JPH4: variants seen among roughly 807,000 people sequenced by gnomAD.
The protein encoded by JPH4 is junctophilin 4, also known as junctophilin-4.
Under a neutral mutation model 57.6 loss-of-function variants are expected in JPH4, and 18 were observed. The ratio of observed to expected loss-of-function variants is 0.31; its 90% CI spans 0.22 to 0.46. JPH4 has a LOEUF of 0.46. JPH4 is among the 20% of genes least tolerant of loss of function. The pLI, the probability that JPH4 is intolerant of heterozygous loss-of-function variation, is 1.00. For missense variants in JPH4, 727 were observed against 911.1 expected (o/e 0.80, Z 2.60); for synonymous variants, 425 against 406.6 (o/e 1.05, Z -0.54).
At position 23,569,735 on chromosome 14, in the gene JPH4, G is replaced by C. The variant is rs989046613; in HGVS notation, c.1804-18C>G. On this transcript the variant is annotated intron_variant, in intron 5 of 5. Transcript: ENST00000356300. The surrounding 1 kb of genome is among the most constrained non-coding windows in gnomAD (Gnocchi z 4.8). ...GCAGCTCCCTAGAGAGACAGAGGGG[G>C]AAGCAGACTCAGTCCCCGAGGACAG... 5 of 1,526,722 alleles carry C rather than the reference G, an allele frequency of 3.3e-6. No individual in the cohort carries two copies. Among genetic ancestry groups the C allele is most frequent in the Non-Finnish European group, 3.5e-6 (4 of 1,127,274 alleles). The allele number at this position is 1,526,722 out of a possible 1,614,324, so 94.6% of individuals were successfully genotyped here.
At position 23,573,282 on chromosome 14, in the gene JPH4, G is replaced by A. The variant is rs142177145; in HGVS notation, c.1152-1362C>T. Among the ~76,000 whole-genome samples, 687 of 152,310 alleles carry A rather than the reference G, an allele frequency of 4.5e-3. 3 individuals carry two copies. The highest frequency in any genetic ancestry group is 0.027 in the Middle Eastern group (8 of 294). ...CCTATTTGGAGGGATCTCAGATAAC[G>A]TGGCTCTTCTGTCTTAGGACTCTCA... is the stretch of plus-strand genomic sequence containing the variant. On this transcript the variant is annotated intron_variant, in intron 3 of 5. Transcript: ENST00000356300.
Position 23,575,601 on chromosome 14 carries a change from C to T in JPH4, c.1151+84G>A. The T allele has an allele frequency of 6.6e-7, 1 of 1,520,558 alleles. No individual in the cohort carries two copies. Among genetic ancestry groups the T allele is most frequent in the Non-Finnish European group, 8.8e-7 (1 of 1,130,642 alleles). The allele number at this position is 1,520,558 out of a possible 1,614,324, so 94.2% of individuals were successfully genotyped here. On this transcript the variant is annotated intron_variant, in intron 3 of 5. Coordinates refer to ENST00000356300, the MANE Select transcript of JPH4 (RefSeq NM_001146028.2). This position sits in a 1 kb window ranked among gnomAD's most constrained non-coding sequence, Gnocchi z 6.9. ...CAGGCCCTAGGCCTTGGGCCTTGGG[C>T]CTCCCTTAGGCACACCCGCCTTCCT...
rs1019140543 is a variant in JPH4 at position 23,576,742 on chromosome 14, C to A, written c.380-286G>T. On this transcript the variant is annotated intron_variant, in intron 2 of 5. Coordinates refer to ENST00000356300, the MANE Select transcript of JPH4 (RefSeq NM_001146028.2). The surrounding 1 kb of genome is among the most constrained non-coding windows in gnomAD (Gnocchi z 8.0). ...GCCCGGCAGGCATGCGAAGGACAGGCTGGTCAGGGCGTTTAGATAGGCAAA... is the reference window on the plus strand; with the variant it reads ...GCCCGGCAGGCATGCGAAGGACAGGATGGTCAGGGCGTTTAGATAGGCAAA... Among the ~76,000 whole-genome samples the A allele has an allele frequency of 2.0e-5, 3 of 152,098 alleles. No homozygotes were observed. The highest frequency in any genetic ancestry group is 4.8e-5 in the African/African-American group (2 of 41,424).
At chr14:23,574,264 T>C (rs1269260218) in intron 3 of JPH4, among the ~76,000 whole-genome samples, 10 of 151,744 alleles carry the variant, frequency 6.6e-5, no homozygotes, top group Non-Finnish European at 1.5e-4. Context: ...AACCTCTGTC[T>C]CCCGGGTTCA....
rs367723718 is a variant in JPH4, at chr14:23,571,157, G to A, written c.1574C>T (p.Pro525Leu). Residue 525 changes from proline (P) to leucine (L), a missense_variant, in exon 5 of 6, where the codon CCC becomes CTC. Physicochemically the swap from Pro to Leu is moderately conservative, Grantham distance 98. This residue lies in a region of JPH4 where 293 missense variants were observed against 279.8 expected (regional missense o/e 1.05). Transcript: ENST00000356300. This position sits in a 1 kb window ranked among gnomAD's most constrained non-coding sequence, Gnocchi z 4.6. ...EDEAGMQGPG[P>L]RDGSPLLGGC... is the part of the protein sequence containing the mutation. ...TCCGAGGAGTGGGGAACCGTCTCTG[G>A]GCCCTGGCCCTTGCATCCCAGCCTC... The A allele has an allele frequency of 6.2e-7, 1 of 1,614,104 alleles. No individual in the cohort carries two copies. The highest frequency in any genetic ancestry group is 2.2e-5 in the East Asian group (1 of 44,884).
In JPH4 at chr14:23,571,835, C is replaced by T; in HGVS notation, c.1237G>A (p.Ala413Thr). ...TCTAGCATGGGCTGCAGGTCCTGGG[C>T]TATCAGTTTGGCCATTCGAGCTGCC... Reference protein sequence around the residue: ...VEAARMAKLIAQDLQPMLEAP... With the variant: ...VEAARMAKLITQDLQPMLEAP... Residue 413 changes from alanine (A) to threonine (T), a missense_variant, in exon 4 of 6, where the codon GCC becomes ACC. Coordinates refer to ENST00000356300, the MANE Select transcript of JPH4 (RefSeq NM_001146028.2). This position sits in a 1 kb window ranked among gnomAD's most constrained non-coding sequence, Gnocchi z 4.6. 6.2e-7 allele frequency: 1 copy of T among 1,613,068 alleles called. No homozygotes were observed. The highest frequency in any genetic ancestry group is 8.5e-7 in the Non-Finnish European group (1 of 1,179,918).
Position 23,568,211 on chromosome 14 carries a change from T to C in JPH4, c.*1423A>G. The stretch of plus-strand genomic sequence containing the variant: ...GGAAGGAGGGAGGCAAGCCAAGGAA[T>C]AAACAAGAGTTTGACTAGAAAAAAA... On this transcript the variant is annotated 3_prime_UTR_variant, in exon 6 of 6. Transcript: ENST00000356300. 2 of 985,820 alleles carry C rather than the reference T, an allele frequency of 2.0e-6. No homozygotes were observed. Among genetic ancestry groups the C allele is most frequent in the Non-Finnish European group, 2.4e-6 (2 of 829,916 alleles). The allele number at this position is 985,820 out of a possible 1,614,324, so 61.1% of individuals were successfully genotyped here. A position where few individuals can be genotyped will look rare whatever the true frequency, so the allele number is the denominator to read the frequency against.
Position 23,574,430 on chromosome 14 carries a change from C to T in JPH4, c.1151+1255G>A, listed in dbSNP as rs575438569. On this transcript the variant is annotated intron_variant, in intron 3 of 5. Transcript: ENST00000356300. The stretch of plus-strand genomic sequence containing the variant: ...CAGGTGATCCACCCACCTCGGCCTC[C>T]CAAAGTGCTGGGATTACAGGCATGA... Among the ~76,000 whole-genome samples the T allele has an allele frequency of 3.3e-5, 5 of 152,272 alleles. 1 individual carries two copies. The highest frequency in any genetic ancestry group is 1.2e-4 in the African/African-American group (5 of 41,548).
rs138692749 is a variant in JPH4 at position 23,571,235 on chromosome 14, C to G, written c.1496G>C (p.Trp499Ser). The G allele has an allele frequency of 3.7e-5, 59 of 1,611,388 alleles. No individual in the cohort carries two copies. The highest frequency in any genetic ancestry group is 1.8e-4 in the Admixed American group (11 of 59,840). Residue 499 changes from tryptophan (W) to serine (S), a missense_variant, in exon 5 of 6, where the codon TGG (tryptophan) becomes TCG (serine). Transcript: ENST00000356300. The surrounding 1 kb of genome is among the most constrained non-coding windows in gnomAD (Gnocchi z 4.6). Reference sequence around the variant, plus strand: ...CTCTGCCTGTGCGCCTGCCCCCCCCCACTCCTCAGGCCAAGCTTTGGGGCT... The same window carrying G: ...CTCTGCCTGTGCGCCTGCCCCCCCCGACTCCTCAGGCCAAGCTTTGGGGCT... ...FSSPKAWPEE[W>S]GGAGAQAEEL...
Position 23,577,011 on chromosome 14 carries a change from G to C in JPH4, c.379+64C>G, listed in dbSNP as rs1210936290. 2 of 1,411,428 alleles carry C rather than the reference G, an allele frequency of 1.4e-6. No homozygotes were observed. Among genetic ancestry groups the C allele is most frequent in the Non-Finnish European group, 1.8e-6 (2 of 1,088,614 alleles). The allele number at this position is 1,411,428 out of a possible 1,614,324, so 87.4% of individuals were successfully genotyped here. A position where few individuals can be genotyped will look rare whatever the true frequency, so the allele number is the denominator to read the frequency against. ...CGCAAGGGCGCAAATGGCGGGCGAA[G>C]GCCCAAGGCTGGGGAAGGCGCACGC... On this transcript the variant is annotated intron_variant, in intron 2 of 5. Coordinates refer to ENST00000356300, the MANE Select transcript of JPH4 (RefSeq NM_001146028.2). This position sits in a 1 kb window ranked among gnomAD's most constrained non-coding sequence, Gnocchi z 8.4.
chr14:23,573,969 C>CAT (rs58982948), intron 3 of JPH4, among the ~76,000 whole-genome samples: 6 of 151,472 alleles, frequency 4.0e-5, no homozygotes, highest in Admixed American at 3.3e-4. Flanking sequence ...CACACACACA[C>CAT]GCACTCTCAC....
At chr14:23,570,715 T>C (rs1255824610) in intron 5 of JPH4, among the ~76,000 whole-genome samples, 2 of 152,150 alleles carry the variant, frequency 1.3e-5, no homozygotes, top group African/African-American at 4.8e-5. Context: ...AGTTCCCCCA[T>C]CTGTCAAATG....
chr14:23,573,195 G>A (rs536410868), intron 3 of JPH4, among the ~76,000 whole-genome samples: 1 of 152,298 alleles, frequency 6.6e-6, no homozygotes, highest in East Asian at 1.9e-4. Context: ...TCTTCTTTAT[G>A]TTCTTTGGGA....
chr14:23,578,720 C>T lies in JPH4; in HGVS notation c.-712G>A, dbSNP rs1225296147. ...TGCGGGTGGTGGTGGGGTCCCCAAG[C>T]AGAAAAGGATGGGTGTCCGCTAACC... On this transcript the variant is annotated 5_prime_UTR_variant, in exon 1 of 6. Coordinates refer to ENST00000356300, the MANE Select transcript of JPH4 (RefSeq NM_001146028.2). 6.6e-6 allele frequency: 1 copy of T among 151,384 alleles called. No individual in the cohort carries two copies. Among genetic ancestry groups the T allele is most frequent in the Non-Finnish European group, 1.5e-5 (1 of 68,090 alleles). The allele number at this position is 151,384 out of a possible 1,614,324, so 9.4% of individuals were successfully genotyped here.
Position 23,577,482 on chromosome 14 carries a change from C to A in JPH4, c.-29G>T, listed in dbSNP as rs1345861905. The A allele has an allele frequency of 1.2e-5, 17 of 1,390,792 alleles. No homozygotes were observed. Among genetic ancestry groups the A allele is most frequent in the Non-Finnish European group, 1.5e-5 (16 of 1,076,772 alleles). 86.2% of individuals were successfully genotyped at this position (1,390,792 alleles called of 1,614,324 possible). A position where few individuals can be genotyped will look rare whatever the true frequency, so the allele number is the denominator to read the frequency against. On this transcript the variant is annotated 5_prime_UTR_variant, in exon 2 of 6. Coordinates refer to ENST00000356300, the MANE Select transcript of JPH4 (RefSeq NM_001146028.2). This position sits in a 1 kb window ranked among gnomAD's most constrained non-coding sequence, Gnocchi z 8.4. ...TGTAGTTGGCGCGGCCTCAGCCCCCCGGCGGCTCAGCGCATCCTGGGACTG... is the reference window on the plus strand; with the variant it reads ...TGTAGTTGGCGCGGCCTCAGCCCCCAGGCGGCTCAGCGCATCCTGGGACTG...
rs528129521 is a variant in JPH4, at chr14:23,568,189, A to G, written c.*1445T>C. On this transcript the variant is annotated 3_prime_UTR_variant, in exon 6 of 6. Coordinates refer to ENST00000356300, the MANE Select transcript of JPH4 (RefSeq NM_001146028.2). The stretch of plus-strand genomic sequence containing the variant: ...AGAAGTAAAGGTTGAGAGGGGAGGA[A>G]GGAGGGAGGCAAGCCAAGGAATAAA... The G allele has an allele frequency of 1.0e-6, 1 of 985,868 alleles. No individual in the cohort carries two copies. The highest frequency in any genetic ancestry group is 4.7e-5 in the South Asian group (1 of 21,284). The allele number at this position is 985,868 out of a possible 1,614,324, so 61.1% of individuals were successfully genotyped here. A position where few individuals can be genotyped will look rare whatever the true frequency, so the allele number is the denominator to read the frequency against.
At position 23,568,532 on chromosome 14, in the gene JPH4, T is replaced by C; in HGVS notation, c.*1102A>G. On this transcript the variant is annotated 3_prime_UTR_variant, in exon 6 of 6. Coordinates refer to ENST00000356300, the MANE Select transcript of JPH4 (RefSeq NM_001146028.2). ...CTTTGATCCCCTCCTTCTGTTGTTT[T>C]CCCATTTCACAAGATTCTGATGTAA... 1 of 985,790 alleles carries C rather than the reference T, an allele frequency of 1.0e-6. No homozygotes were observed. Among genetic ancestry groups the C allele is most frequent in the Non-Finnish European group, 1.2e-6 (1 of 829,952 alleles). 61.1% of individuals were successfully genotyped at this position (985,790 alleles called of 1,614,324 possible).
chr14:23,571,797 C>G lies in JPH4; in HGVS notation c.1270+5G>C, dbSNP rs374366550. ...CTGCCCTCCCCCCAGCTGTCCATGC[C>G]TCACCTGGGGCCTCTAGCATGGGCT... On this transcript the variant is annotated splice_donor_5th_base_variant and intron_variant, in intron 4 of 5. Transcript: ENST00000356300. The surrounding 1 kb of genome is among the most constrained non-coding windows in gnomAD (Gnocchi z 4.6). 6.2e-7 allele frequency: 1 copy of G among 1,609,970 alleles called. No individual in the cohort carries two copies. The highest frequency in any genetic ancestry group is 8.5e-7 in the Non-Finnish European group (1 of 1,178,206).
Position 23,576,435 on chromosome 14 carries a change from T to C in JPH4, c.401A>G (p.Gln134Arg). Residue 134 changes from glutamine (Q) to arginine (R), a missense_variant, in exon 3 of 6, where the codon CAG becomes CGG. Coordinates refer to ENST00000356300, the MANE Select transcript of JPH4 (RefSeq NM_001146028.2). The surrounding 1 kb of genome is among the most constrained non-coding windows in gnomAD (Gnocchi z 8.0). ...CCCGTAGCCGTGGCGCTTCCCGGCC[T>C]GCCACTGGCCCTGGTAGGTGCCTGC... ...SDGGTYQGQWQAGKRHGYGVR... is the reference protein window; with the variant it reads ...SDGGTYQGQWRAGKRHGYGVR... 6.9e-7 allele frequency: 1 copy of C among 1,448,720 alleles called. No homozygotes were observed. 89.7% of individuals were successfully genotyped at this position (1,448,720 alleles called of 1,614,324 possible). A position where few individuals can be genotyped will look rare whatever the true frequency, so the allele number is the denominator to read the frequency against.
Sources: allele counts gnomAD v4.1 joint callset (sites outside exome capture counted in the v4.1 genomes callset), GRCh38; gene constraint gnomAD v4.1.1; regional missense constraint gnomAD v4.1.1; non-coding constraint Gnocchi (gnomAD v3.1); transcripts MANE v1.5; gene names NCBI Gene and HGNC (gene_info 2026-07-23, HGNC 2026-07-21).